The following LRFN2 variants were observed in gnomAD, a reference collection of about 807,000 sequenced individuals.
LRFN2 encodes leucine rich repeat and fibronectin type III domain containing 2.
Under a neutral mutation model 37.3 loss-of-function variants are expected in LRFN2, and 18 were observed. The ratio of observed to expected loss-of-function variants is 0.48; its 90% CI spans 0.33 to 0.72. LRFN2 has a LOEUF of 0.72. LRFN2 is among the 30% of genes least tolerant of loss of function. The pLI is 0.02. For missense variants in LRFN2, 1,006 were observed against 1,060.7 expected (o/e 0.95, Z 0.72); for synonymous variants, 556 against 466.6 (o/e 1.19, Z -2.47).
At chr6:40,499,368 C>T (rs1021080940) in intron 1 of LRFN2, among the ~76,000 whole-genome samples, 1 of 152,042 alleles carries the variant, frequency 6.6e-6, no homozygotes, top group East Asian at 1.9e-4. Flanking sequence ...ACATTACAAC[C>T]GAGCCTGCTC....
intron 2 of LRFN2, among the ~76,000 whole-genome samples, chr6:40,424,051 T>C (rs969007313): frequency 6.6e-6 from 1 of 152,362 alleles, no homozygotes; most frequent in Non-Finnish European, 1.5e-5. Context: ...ACCCTGGACT[T>C]CTGACTCCAG....
rs144763076 is a variant in LRFN2 at position 40,573,853 on chromosome 6, C to T, written c.-19+13088G>A. 5.1e-3 allele frequency among the ~76,000 whole-genome samples: 781 copies of T among 152,216 alleles called. 1 individual carries two copies. The highest frequency in any genetic ancestry group is 9.1e-3 in the Non-Finnish European group (618 of 68,002). On this transcript the variant is annotated intron_variant, in intron 1 of 2. Coordinates refer to ENST00000338305, the MANE Select transcript of LRFN2 (RefSeq NM_020737.3). ...ATTAGCCAGGCATGGTGATGCTACT[C>T]GGGGAGCTAAAGGAGGAGAATCACT...
At chr6:40,419,969 T>A (rs1156786952) in intron 2 of LRFN2, among the ~76,000 whole-genome samples, 1 of 152,232 alleles carries the variant, frequency 6.6e-6, no homozygotes, top group Non-Finnish European at 1.5e-5. Context: ...ACTAATGACC[T>A]AGTGCAAAGG....
chr6:40,562,586 A>G (rs1767018744), intron 1 of LRFN2, among the ~76,000 whole-genome samples: 1 of 152,152 alleles, frequency 6.6e-6, no homozygotes, highest in South Asian at 2.1e-4. Context: ...CAGAAGCAAG[A>G]GCTCATGGGA....
chr6:40,507,406 G>A (rs1386063578), intron 1 of LRFN2, among the ~76,000 whole-genome samples: 2 of 152,200 alleles, frequency 1.3e-5, no homozygotes, highest in Non-Finnish European at 1.5e-5. Context: ...TGAACACACA[G>A]TGTCTCGTTT....
At chr6:40,473,845 C>T (rs1764656736) in intron 1 of LRFN2, among the ~76,000 whole-genome samples, 1 of 152,088 alleles carries the variant, frequency 6.6e-6, no homozygotes, top group Non-Finnish European at 1.5e-5. Context: ...CCTATATTAC[C>T]AGTGAGGAAA....
intron 2 of LRFN2, among the ~76,000 whole-genome samples, chr6:40,406,913 C>T (rs1762860486): frequency 6.6e-6 from 1 of 152,170 alleles, no homozygotes; most frequent in African/African-American, 2.4e-5. Context: ...TGTCTTTGGC[C>T]CTTCTCTTTG....
chr6:40,573,849 T>C (rs1022708018), intron 1 of LRFN2, among the ~76,000 whole-genome samples: 6 of 152,098 alleles, frequency 3.9e-5, no homozygotes, highest in African/African-American at 1.4e-4. Flanking sequence ...ATGGTGATGC[T>C]ACTCGGGGAG....
chr6:40,531,040 TA>T (rs998784474), intron 1 of LRFN2, among the ~76,000 whole-genome samples: 10 of 152,170 alleles, frequency 6.6e-5, no homozygotes, highest in African/African-American at 2.4e-4. Flanking sequence ...ATAAGCTCAA[TA>T]AATTTGCACC....
chr6:40,534,995 G>A (rs1766422904), intron 1 of LRFN2, among the ~76,000 whole-genome samples: 3 of 152,150 alleles, frequency 2.0e-5, no homozygotes, highest in Admixed American at 1.3e-4. Flanking sequence ...GGCAGAGCTG[G>A]GACTTGGACT....
intron 2 of LRFN2, among the ~76,000 whole-genome samples, chr6:40,411,346 C>T (rs900271759): frequency 4.6e-5 from 7 of 152,280 alleles, no homozygotes; most frequent in African/African-American, 1.2e-4. Context: ...AGTGAGTGGC[C>T]GTTGGCCAGT....
rs769159173 is a variant in LRFN2 at position 40,392,466 on chromosome 6, G to A, written c.1847C>T (p.Ala616Val). 6.4e-7 allele frequency: 1 copy of A among 1,568,784 alleles called. No individual in the cohort carries two copies. The highest frequency in any genetic ancestry group is 2.4e-5 in the East Asian group (1 of 41,980). Residue 616 changes from alanine (A) to valine (V), a missense_variant, in exon 3 of 3, where the codon GCC becomes GTC. Transcript: ENST00000338305. The surrounding 1 kb of genome is among the most constrained non-coding windows in gnomAD (Gnocchi z 4.7). ...GGAGGAAGAGGAGTCACTGGCGCGG[G>A]CCAGGCTGGCGGTGAAGTCCAGGAG... ...NELLDFTASL[A>V]RASDSSSSSS...
chr6:40,503,948 T>C (rs1765457385), intron 1 of LRFN2, among the ~76,000 whole-genome samples: 1 of 149,208 alleles, frequency 6.7e-6, no homozygotes. Context: ...GGAGGAGTTA[T>C]GGAATGGAGG....
chr6:40,559,962 G>T (rs534807531), intron 1 of LRFN2, among the ~76,000 whole-genome samples: 5 of 152,250 alleles, frequency 3.3e-5, no homozygotes, highest in Non-Finnish European at 7.3e-5. Context: ...CCCATGCCAA[G>T]GCGAGTTCTA....
chr6:40,450,201 C>T (rs889261006), intron 1 of LRFN2, among the ~76,000 whole-genome samples: 6 of 152,204 alleles, frequency 3.9e-5, no homozygotes, highest in African/African-American at 1.4e-4. Context: ...TGCATCCTTG[C>T]CTCACCTTCC....
In LRFN2 at chr6:40,477,936, G is replaced by A. The variant is rs180922460; in HGVS notation, c.-18-44805C>T. Among the ~76,000 whole-genome samples the A allele has an allele frequency of 7.9e-4, 121 of 152,294 alleles. 1 individual carries two copies. In the Middle Eastern group the frequency reaches 0.01, roughly 13 times the overall value. ...ACAAGATGTTGTTTACATGCACACCGGATGTAACACAGACGCAGCAAACCG... is the reference window on the plus strand; with the variant it reads ...ACAAGATGTTGTTTACATGCACACCAGATGTAACACAGACGCAGCAAACCG... On this transcript the variant is annotated intron_variant, in intron 1 of 2. Transcript: ENST00000338305.
At chr6:40,490,709 G>A (rs984405800) in intron 1 of LRFN2, among the ~76,000 whole-genome samples, 2 of 152,220 alleles carry the variant, frequency 1.3e-5, no homozygotes, top group African/African-American at 4.8e-5. Context: ...GCACCCATTA[G>A]CCCTGTCAGG....
intron 1 of LRFN2, among the ~76,000 whole-genome samples, chr6:40,565,067 C>T (rs1767063727): frequency 2.6e-5 from 4 of 152,146 alleles, no homozygotes; most frequent in Admixed American, 2.6e-4. Context: ...TAGACTTTCC[C>T]AAACTCTAAG....
intron 2 of LRFN2, among the ~76,000 whole-genome samples, chr6:40,399,269 G>A (rs1317507933): frequency 1.3e-5 from 2 of 151,290 alleles, no homozygotes; most frequent in Non-Finnish European, 3.0e-5. Flanking sequence ...GGTGGGTGGC[G>A]GTGGCTCCCA....
Sources: gnomAD v4.1 joint callset for allele counts (sites outside exome capture counted in the v4.1 genomes callset) on GRCh38, gnomAD v4.1.1 for gene constraint, Gnocchi (gnomAD v3.1) non-coding constraint, MANE v1.5 for transcripts, NCBI Gene and HGNC (gene_info 2026-07-23, HGNC 2026-07-21) for gene names.